Variants in CACUL1 observed in about 807,000 individuals in gnomAD.
CACUL1 encodes CDK2-associated and cullin domain-containing protein 1.
Under a neutral mutation model 45.2 loss-of-function variants are expected in CACUL1, and 13 were observed. The observed-to-expected ratio is 0.29, with a 90% CI of 0.19 to 0.46. The LOEUF is 0.46. Ranked by LOEUF, CACUL1 falls within the 20% of genes least tolerant of loss-of-function variation. CACUL1 has a pLI of 1.00. For synonymous variants in CACUL1, 197 were observed against 174.2 expected (o/e 1.13, Z -1.03); for missense variants, 421 against 471.4 (o/e 0.89, Z 0.99).
rs370878819 is a variant in CACUL1, at chr10:118,700,852, A to G, written c.796+454T>C. The stretch of plus-strand genomic sequence containing the variant: ...GAAAACTCAGGGCCACAAGAGGCAA[A>G]GACGTTTGCCTAAAATAGAGAATAA... On this transcript the variant is annotated intron_variant, in intron 5 of 8. Coordinates refer to ENST00000369151, the MANE Select transcript of CACUL1 (RefSeq NM_153810.5). Among the ~76,000 whole-genome samples, 3 of 152,356 alleles carry G rather than the reference A, an allele frequency of 2.0e-5. No homozygotes were observed. In the East Asian group the frequency reaches 5.8e-4, roughly 29 times the overall value.
chr10:118,732,486 C>T (rs1845706934), intron 1 of CACUL1, among the ~76,000 whole-genome samples: 2 of 152,192 alleles, frequency 1.3e-5, no homozygotes, highest in Admixed American at 1.3e-4. Flanking sequence ...ATGTTCTGTC[C>T]AGCTGCCAGA....
intron 3 of CACUL1, among the ~76,000 whole-genome samples, chr10:118,725,414 G>A (rs1015962288): frequency 6.6e-6 from 1 of 152,306 alleles, no homozygotes; most frequent in Middle Eastern, 3.4e-3. Context: ...GCTGCAGTGA[G>A]CCAGCATCAC....
intron 1 of CACUL1, among the ~76,000 whole-genome samples, chr10:118,734,225 G>A (rs1047765278): frequency 5.9e-5 from 9 of 152,116 alleles, no homozygotes; most frequent in African/African-American, 1.7e-4. Context: ...AAATACATAA[G>A]CAAAAGGAGG....
chr10:118,720,670 A>G (rs1001359359), intron 3 of CACUL1, among the ~76,000 whole-genome samples: 10 of 152,308 alleles, frequency 6.6e-5, no homozygotes, highest in Admixed American at 5.2e-4. Context: ...TAAAGCCAGC[A>G]TATGTTTTTG....
At position 118,754,650 on chromosome 10, in the gene CACUL1, G is replaced by C; in HGVS notation, c.113C>G (p.Pro38Arg). 6.2e-7 allele frequency: 1 copy of C among 1,606,010 alleles called. No homozygotes were observed. Among genetic ancestry groups the C allele is most frequent in the South Asian group, 1.1e-5 (1 of 90,632 alleles). The change falls in exon 1 of 9, where the codon CCT becomes CGT. Residue 38 changes from proline to arginine, a missense_variant. Coordinates refer to ENST00000369151, the MANE Select transcript of CACUL1 (RefSeq NM_153810.5). ...AVDGFRQPLP[P>R]PPPPSSIPAP... ...CGGGATCGACGAGGGGGGCGGCGGA[G>C]GTGGCAGGGGCTGCCGGAAGCCGTC...
chr10:118,687,210 G>A (rs181328005), intron 7 of CACUL1, among the ~76,000 whole-genome samples: 3 of 152,152 alleles, frequency 2.0e-5, no homozygotes, highest in Non-Finnish European at 4.4e-5. Flanking sequence ...GTGTAGTCCA[G>A]GATGGTGATC....
chr10:118,685,958 T>TA lies in CACUL1; in HGVS notation c.*169dup, dbSNP rs1845201021. ...CTAGCAGCAACGTTTTTTTTTTTTT[T>TA]AGTTTTTGTTTTAAAATTACAAACC... On this transcript the variant is annotated 3_prime_UTR_variant, in exon 9 of 9. Transcript: ENST00000369151. The TA allele has an allele frequency of 4.8e-6, 2 of 419,184 alleles. No homozygotes were observed. The highest frequency in any genetic ancestry group is 2.0e-5 in the African/African-American group (1 of 49,350). The allele number at this position is 419,184 out of a possible 1,614,324, so 26.0% of individuals were successfully genotyped here.
At chr10:118,730,221 A>G in intron 2 of CACUL1, 63 bp downstream of exon 2, 5 of 1,538,726 alleles carry the variant, frequency 3.2e-6, no homozygotes, top group Non-Finnish European at 4.5e-6. Flanking sequence ...TGTGAGGCAT[A>G]ATTCAAGTGC....
chr10:118,702,758 T>C (rs1200562631), intron 4 of CACUL1, among the ~76,000 whole-genome samples: 2 of 152,012 alleles, frequency 1.3e-5, no homozygotes, highest in Non-Finnish European at 2.9e-5. Flanking sequence ...ATTTTTGTAT[T>C]TTTAGTAGAG....
chr10:118,713,130 C>T (rs1167869431), intron 3 of CACUL1, among the ~76,000 whole-genome samples: 1 of 152,180 alleles, frequency 6.6e-6, no homozygotes, highest in African/African-American at 2.4e-5. Context: ...CGGAGGGGGC[C>T]GAGGCAGCAG....
intron 4 of CACUL1, among the ~76,000 whole-genome samples, chr10:118,706,182 A>G (rs1845430272): frequency 6.6e-6 from 1 of 152,216 alleles, no homozygotes; most frequent in Admixed American, 6.5e-5. Context: ...ATTATGATAA[A>G]TTAGACTTTT....
At position 118,679,090 on chromosome 10, in the gene CACUL1, G is replaced by T. The variant is rs1845125181; in HGVS notation, c.*7038C>A. The T allele has an allele frequency of 1.3e-5, 2 of 152,200 alleles. No individual in the cohort carries two copies. Among genetic ancestry groups the T allele is most frequent in the South Asian group, 4.1e-4 (2 of 4,832 alleles). The allele number at this position is 152,200 out of a possible 1,614,324, so 9.4% of individuals were successfully genotyped here. A position where few individuals can be genotyped will look rare whatever the true frequency, so the allele number is the denominator to read the frequency against. On this transcript the variant is annotated 3_prime_UTR_variant, in exon 9 of 9. Coordinates refer to ENST00000369151, the MANE Select transcript of CACUL1 (RefSeq NM_153810.5). The stretch of plus-strand genomic sequence containing the variant: ...ACTCTGTTATCCTAGCTGAAATGCA[G>T]TGGTATCATCATAGCTCAATGCAGC...
chr10:118,713,162 C>T (rs1191996298), intron 3 of CACUL1, among the ~76,000 whole-genome samples: 1 of 152,206 alleles, frequency 6.6e-6, no homozygotes, highest in African/African-American at 2.4e-5. Flanking sequence ...GTTAGCACTG[C>T]CCTCAGCGTG....
chr10:118,698,176 T>TCA (rs1332374321), intron 5 of CACUL1, among the ~76,000 whole-genome samples: 2 of 150,246 alleles, frequency 1.3e-5, no homozygotes, highest in Non-Finnish European at 3.0e-5. Flanking sequence ...AGACGGAGTC[T>TCA]CACTCTGTAG....
intron 1 of CACUL1, among the ~76,000 whole-genome samples, chr10:118,732,925 C>CCACCTAAACCACATGAAATACCTCTCT (rs1845710182): frequency 6.6e-6 from 1 of 152,104 alleles, no homozygotes; most frequent in Non-Finnish European, 1.5e-5. Flanking sequence ...TATCAGTGTA[C>CCACCTAAACCACATGAAATACCTCTCT]CACCTAAACC....
intron 3 of CACUL1, among the ~76,000 whole-genome samples, chr10:118,714,084 G>A (rs919317644): frequency 1.3e-5 from 2 of 152,142 alleles, no homozygotes; most frequent in African/African-American, 4.8e-5. Flanking sequence ...GAGTGTCACT[G>A]TTTTTACATT....
Position 118,682,315 on chromosome 10 carries a change from T to C in CACUL1, c.*3813A>G, listed in dbSNP as rs190724189. Reference sequence around the variant, plus strand: ...AACAATGCTCAGTTATTTTAATAGCTGCTTATGAAACAATAACAGTTTAAC... The same window carrying C: ...AACAATGCTCAGTTATTTTAATAGCCGCTTATGAAACAATAACAGTTTAAC... On this transcript the variant is annotated 3_prime_UTR_variant, in exon 9 of 9. Coordinates refer to ENST00000369151, the MANE Select transcript of CACUL1 (RefSeq NM_153810.5). The C allele has an allele frequency of 6.4e-4, 98 of 152,362 alleles. No homozygotes were observed. The highest frequency in any genetic ancestry group is 2.2e-3 in the African/African-American group (93 of 41,590). 9.4% of individuals were successfully genotyped at this position (152,362 alleles called of 1,614,324 possible).
chr10:118,696,189 T>A (rs1195638929), intron 5 of CACUL1, among the ~76,000 whole-genome samples: 2 of 152,184 alleles, frequency 1.3e-5, no homozygotes, highest in African/African-American at 4.8e-5. Flanking sequence ...AATTTTATCA[T>A]CAGTAGATAG....
chr10:118,730,453 T>G (rs753182076), intron 1 of CACUL1, 43 bp from the exon 2 acceptor site: 2 of 1,547,110 alleles, frequency 1.3e-6, no homozygotes, highest in Non-Finnish European at 1.8e-6. Context: ...GTGCCACATG[T>G]GGAGCAAACA....
Sources: allele counts gnomAD v4.1 joint callset (sites outside exome capture counted in the v4.1 genomes callset), GRCh38; gene constraint gnomAD v4.1.1; transcripts MANE v1.5; gene names NCBI Gene and HGNC (gene_info 2026-07-23, HGNC 2026-07-21).